MIPEP: variants seen among roughly 807,000 people sequenced by gnomAD.
MIPEP encodes mitochondrial intermediate peptidase.
A neutral mutation model predicts 90.3 loss-of-function variants in MIPEP; 79 were observed. That is an observed-to-expected ratio of 0.87 (90% confidence interval 0.73 to 1.05). The LOEUF (loss-of-function observed/expected upper bound fraction) is 1.05. Among genes scored for constraint, MIPEP ranks in the 50% least tolerant of loss-of-function variants. MIPEP has a pLI of 0.00. For synonymous variants in MIPEP, 334 were observed against 315.8 expected, an observed-to-expected ratio of 1.06 and a Z score of -0.61; for missense variants, 940 against 905.6, an observed-to-expected ratio of 1.04 and a Z score of -0.49.
At chr13:23,789,008 A>G (rs1455005280) in intron 16 of MIPEP, among the ~76,000 whole-genome samples, 1 of 152,172 alleles carries the variant, frequency 6.6e-6, no homozygotes, top group East Asian at 1.9e-4. Context: ...TGGTCTCGTC[A>G]TGTTGCCCAG....
At chr13:23,771,340 T>C (rs947311593) in intron 16 of MIPEP, among the ~76,000 whole-genome samples, 2 of 152,154 alleles carry the variant, frequency 1.3e-5, no homozygotes, top group South Asian at 4.1e-4. Flanking sequence ...CAGTGACTAG[T>C]GGGGTGTCTT....
intron 14 of MIPEP, among the ~76,000 whole-genome samples, chr13:23,819,312 A>C (rs1953278696): frequency 1.3e-5 from 2 of 152,322 alleles, no homozygotes; most frequent in African/African-American, 4.8e-5. Flanking sequence ...AGGAGATCGC[A>C]GTCTACCTGA....
At chr13:23,771,142 C>A (rs9580749) in intron 16 of MIPEP, among the ~76,000 whole-genome samples, 11,889 of 152,208 alleles carry the variant, frequency 0.078, 1,553 homozygotes, top group African/African-American at 0.27. Context: ...TTACCGGCTG[C>A]ACAGCCAACA....
intron 10 of MIPEP, among the ~76,000 whole-genome samples, chr13:23,853,934 A>C (rs1869924396): frequency 6.6e-6 from 1 of 152,118 alleles, no homozygotes. Context: ...TAATGAGAAA[A>C]GAGAAAGGAA....
chr13:23,850,302 T>C (rs183895942), intron 10 of MIPEP, among the ~76,000 whole-genome samples: 38 of 152,236 alleles, frequency 2.5e-4, no homozygotes, highest in African/African-American at 8.7e-4. Context: ...CAGGGAGAGC[T>C]ACTGTTTTAT....
At chr13:23,877,533 A>C (rs1871117315) in intron 4 of MIPEP, among the ~76,000 whole-genome samples, 1 of 152,152 alleles carries the variant, frequency 6.6e-6, no homozygotes, top group Admixed American at 6.5e-5. Context: ...AGAGACTCTA[A>C]ACTACTAAAA....
chr13:23,752,482 T>A (rs1442901281), intron 18 of MIPEP, among the ~76,000 whole-genome samples: 1 of 152,206 alleles, frequency 6.6e-6, no homozygotes, highest in Non-Finnish European at 1.5e-5. Flanking sequence ...AAACTGAACC[T>A]TAGATCATGC....
intron 15 of MIPEP, among the ~76,000 whole-genome samples, chr13:23,807,055 C>G (rs925936006): frequency 2.6e-5 from 4 of 152,070 alleles, no homozygotes; most frequent in Non-Finnish European, 5.9e-5. Context: ...ACAAAGGAAG[C>G]AGCTGCTGTA....
At chr13:23,868,706 TC>T (rs770842740) in intron 7 of MIPEP, among the ~76,000 whole-genome samples, 1 of 152,174 alleles carries the variant, frequency 6.6e-6, no homozygotes, top group Non-Finnish European at 1.5e-5. Context: ...AATAAATGCT[TC>T]TGAAAAAACG....
Position 23,869,282 on chromosome 13 carries a change from A to C in MIPEP, c.943+10T>G, listed in dbSNP as rs200521342. 1.9e-5 allele frequency: 29 copies of C among 1,567,316 alleles called. No individual in the cohort carries two copies. In the African/African-American group the frequency reaches 3.6e-4, roughly 19 times the overall value. ...TATTTTGCCCTTAAATGTTGGATAAACAGGCTTACCTGGATTTTTAGCTAT... is the reference window on the plus strand; with the variant it reads ...TATTTTGCCCTTAAATGTTGGATAACCAGGCTTACCTGGATTTTTAGCTAT... On this transcript the variant is annotated intron_variant, in intron 7 of 18. Transcript: ENST00000382172.
chr13:23,806,519 T>C (rs138241703), intron 15 of MIPEP, among the ~76,000 whole-genome samples: 3,576 of 151,890 alleles, frequency 0.024, 61 homozygotes, highest in Middle Eastern at 0.055. Context: ...CTACTAAAAA[T>C]ACAAAAAAAT....
Position 23,796,062 on chromosome 13 carries a change from T to C in MIPEP, c.1848+9888A>G, listed in dbSNP as rs192206967. Among the ~76,000 whole-genome samples the C allele has an allele frequency of 4.3e-4, 66 of 152,232 alleles. 1 individual carries two copies. In the East Asian group the frequency reaches 0.013, roughly 29 times the overall value. The stretch of plus-strand genomic sequence containing the variant: ...GTCACCTATCTTCATATATTATATA[T>C]ATATGTGTGTGTGTATATGTATATA... On this transcript the variant is annotated intron_variant, in intron 16 of 18. Transcript: ENST00000382172.
intron 10 of MIPEP, among the ~76,000 whole-genome samples, chr13:23,856,179 A>G (rs188441807): frequency 1.9e-3 from 291 of 152,360 alleles, no homozygotes; most frequent in African/African-American, 6.9e-3. Context: ...CAGCGGAGCC[A>G]GGAGCTACAC....
At chr13:23,821,139 C>T (rs1168945237) in intron 14 of MIPEP, among the ~76,000 whole-genome samples, 5 of 152,150 alleles carry the variant, frequency 3.3e-5, no homozygotes, top group African/African-American at 9.7e-5. Context: ...TATTGAAATA[C>T]AATAGTAAAT....
intron 1 of MIPEP, chr13:23,888,105 C>A: frequency 6.9e-6 from 3 of 434,030 alleles, no homozygotes; most frequent in East Asian, 7.3e-5. Context: ...TATCATGATA[C>A]AAAAAGGGAA....
chr13:23,886,184 T>C, intron 2 of MIPEP, 149 bp downstream of exon 2: 1 of 529,860 alleles, frequency 1.9e-6, no homozygotes, highest in Non-Finnish European at 2.9e-6. Flanking sequence ...ACATATTTCA[T>C]CATAAAAAAT....
At chr13:23,871,210 A>G (rs1463025872) in intron 5 of MIPEP, among the ~76,000 whole-genome samples, 1 of 152,220 alleles carries the variant, frequency 6.6e-6, no homozygotes, top group African/African-American at 2.4e-5. Context: ...GAGGACGTGG[A>G]TGGTGCGGAC....
At chr13:23,863,127 G>C (rs780937941) in intron 8 of MIPEP, among the ~76,000 whole-genome samples, 1 of 152,186 alleles carries the variant, frequency 6.6e-6, no homozygotes. Context: ...CAATGTGTTG[G>C]TGTAGCCACA....
chr13:23,798,657 G>A (rs1478951523), intron 16 of MIPEP, among the ~76,000 whole-genome samples: 7 of 152,128 alleles, frequency 4.6e-5, no homozygotes, highest in Admixed American at 2.0e-4. Flanking sequence ...CACTATCCCC[G>A]TTGGTGCTGT....
Sources: allele counts gnomAD v4.1 joint callset (sites outside exome capture counted in the v4.1 genomes callset), GRCh38; gene constraint gnomAD v4.1.1; transcripts MANE v1.5; gene names NCBI Gene and HGNC (gene_info 2026-07-23, HGNC 2026-07-21).